TENM4: variants seen among roughly 807,000 people sequenced by gnomAD.
The protein encoded by TENM4 is teneurin transmembrane protein 4.
In TENM4, 82 loss-of-function variants were observed where a neutral mutation model predicts 243.3. That is an observed-to-expected ratio of 0.34 (90% CI 0.28 to 0.40). The LOEUF (loss-of-function observed/expected upper bound fraction) is 0.40, where lower values mean the gene tolerates loss of function less well. TENM4 is among the 10% of genes least tolerant of loss of function. TENM4 has a pLI of 1.00. For missense variants in TENM4, 3,138 were observed against 3,673.3 expected (o/e 0.85, Z 3.77); for synonymous variants, 1,412 against 1,456.3 (o/e 0.97, Z 0.69).
intron 14 of TENM4, among the ~76,000 whole-genome samples, chr11:78,808,406 A>G (rs889844286): frequency 2.0e-5 from 3 of 152,204 alleles, no homozygotes; most frequent in Admixed American, 1.3e-4. Context: ...TTTTGCTATT[A>G]AGCATTTCAT....
At chr11:78,880,495 A>C (rs1859407050) in intron 9 of TENM4, among the ~76,000 whole-genome samples, 1 of 149,868 alleles carries the variant, frequency 6.7e-6, no homozygotes, top group Admixed American at 6.6e-5. Flanking sequence ...AAAAAGAAAG[A>C]AAAAATGGCC....
intron 2 of TENM4, among the ~76,000 whole-genome samples, chr11:79,257,397 G>T (rs890294319): frequency 6.6e-6 from 1 of 152,144 alleles, no homozygotes; most frequent in African/African-American, 2.4e-5. Context: ...TCCAGTTTCA[G>T]GTAAAGACTG....
chr11:78,664,665 A>C (rs1490185738), intron 32 of TENM4, among the ~76,000 whole-genome samples: 1 of 152,178 alleles, frequency 6.6e-6, no homozygotes, highest in African/African-American at 2.4e-5. Flanking sequence ...CTTTTCTTCA[A>C]AGTCCCTCTT....
At chr11:78,851,845 G>A (rs1395040227) in intron 12 of TENM4, among the ~76,000 whole-genome samples, 78 of 152,224 alleles carry the variant, frequency 5.1e-4, no homozygotes. Flanking sequence ...ACTCTGAGCT[G>A]CAGCCTCAAA....
In TENM4 at chr11:79,163,798, C is replaced by CATAT. The variant is rs59230413; in HGVS notation, c.-162-14996_-162-14993dup. ...ACACATACATATATATATACACACA[C>CATAT]ATATATATACACATATATATACATG... On this transcript the variant is annotated intron_variant, in intron 3 of 33. Transcript: ENST00000278550. Among the ~76,000 whole-genome samples the CATAT allele has an allele frequency of 3.9e-3, 560 of 144,832 alleles. 2 individuals carry two copies. Among genetic ancestry groups the CATAT allele is most frequent in the African/African-American group, 9.6e-3 (380 of 39,414 alleles).
At chr11:79,207,487 G>A (rs1185290435) in intron 3 of TENM4, among the ~76,000 whole-genome samples, 1 of 152,100 alleles carries the variant, frequency 6.6e-6, no homozygotes, top group Non-Finnish European at 1.5e-5. Flanking sequence ...TTTAGGAGAT[G>A]GACACACTTT....
At chr11:79,141,980 A>G (rs1287603082) in intron 4 of TENM4, among the ~76,000 whole-genome samples, 1 of 152,110 alleles carries the variant, frequency 6.6e-6, no homozygotes, top group Non-Finnish European at 1.5e-5. Context: ...TATAGAAAGA[A>G]CATACCTCAA....
intron 16 of TENM4, among the ~76,000 whole-genome samples, chr11:78,778,863 G>A (rs994364178): frequency 1.3e-5 from 2 of 152,180 alleles, no homozygotes; most frequent in African/African-American, 4.8e-5. Context: ...TGTGATCCAG[G>A]CATTTGGAAA....
intron 4 of TENM4, among the ~76,000 whole-genome samples, chr11:79,139,720 A>AAATATATATTATATTTATATAAATATAT (rs1565220691): frequency 3.9e-4 from 18 of 46,726 alleles, no homozygotes; most frequent in African/African-American, 6.8e-4. Context: ...TAAGTATATA[A>AAATATATATTATATTTATATAAATATAT]AATATATATT....
rs147119039 is a variant in TENM4 at position 78,943,829 on chromosome 11, G to A, written c.494-40306C>T. 3.8e-4 allele frequency among the ~76,000 whole-genome samples: 58 copies of A among 152,232 alleles called. No individual in the cohort carries two copies. In the East Asian group the frequency reaches 8.9e-3, roughly 23 times the overall value. On this transcript the variant is annotated intron_variant, in intron 6 of 33. Transcript: ENST00000278550. ...CCATCTCCTATTCTGTACTTAAAAT[G>A]CTTCTATTTATTAAAGATTCTATTT...
intron 1 of TENM4, among the ~76,000 whole-genome samples, chr11:79,390,129 G>T (rs1198298948): frequency 3.9e-5 from 6 of 152,228 alleles, no homozygotes; most frequent in Non-Finnish European, 8.8e-5. Context: ...TGAAGGTGGG[G>T]TGGGAAATGC....
At chr11:79,256,071 G>C (rs111699107) in intron 2 of TENM4, among the ~76,000 whole-genome samples, 6,408 of 152,276 alleles carry the variant, frequency 0.042, 442 homozygotes, top group African/African-American at 0.14. Context: ...GGACAGAAAA[G>C]AGAGAGGCTG....
chr11:79,437,219 C>G (rs1296437919), intron 1 of TENM4, among the ~76,000 whole-genome samples: 1 of 152,180 alleles, frequency 6.6e-6, no homozygotes, highest in South Asian at 2.1e-4. Flanking sequence ...TGTGTGACTT[C>G]GCTGCAAATC....
chr11:78,676,060 G>A, intron 30 of TENM4, 92 bp downstream of exon 30: 1 of 1,224,240 alleles, frequency 8.2e-7, no homozygotes, highest in Non-Finnish European at 1.1e-6. Flanking sequence ...TGAGTGAACT[G>A]AGGTCCCAGG....
intron 25 of TENM4, among the ~76,000 whole-genome samples, chr11:78,719,095 C>T (rs1179454342): frequency 6.6e-6 from 1 of 152,074 alleles, no homozygotes; most frequent in African/African-American, 2.4e-5. Flanking sequence ...GGAGCTCCTC[C>T]CTGTGCCTAA....
chr11:78,824,503 C>CTTTTT (rs35834549), intron 12 of TENM4, among the ~76,000 whole-genome samples: 2 of 137,052 alleles, frequency 1.5e-5, no homozygotes, highest in Admixed American at 7.2e-5. Context: ...TTCTTTCTTT[C>CTTTTT]TTTTTTTTTT....
At position 79,149,685 on chromosome 11, in the gene TENM4, G is replaced by A. The variant is rs1407395020; in HGVS notation, c.-162-879C>T. Among the ~76,000 whole-genome samples the A allele has an allele frequency of 3.3e-5, 5 of 152,070 alleles. No homozygotes were observed. In the South Asian group the frequency reaches 6.2e-4, roughly 19 times the overall value. The stretch of plus-strand genomic sequence containing the variant: ...ACGGCCTAGGATACAGTCCACTTTC[G>A]TGAGTGTTTTATATGTGCTTAGAAA... On this transcript the variant is annotated intron_variant, in intron 3 of 33. Coordinates refer to ENST00000278550, the MANE Select transcript of TENM4 (RefSeq NM_001098816.3).
At chr11:79,228,541 G>A (rs776567583) in intron 2 of TENM4, among the ~76,000 whole-genome samples, 2 of 151,856 alleles carry the variant, frequency 1.3e-5, no homozygotes, top group Non-Finnish European at 2.9e-5. Context: ...CAGACCTCAC[G>A]TGCCCACCCA....
chr11:78,899,321 G>A lies in TENM4; in HGVS notation c.749+3947C>T, dbSNP rs150204693. Among the ~76,000 whole-genome samples, 693 of 152,112 alleles carry A rather than the reference G, an allele frequency of 4.6e-3. 8 individuals carry two copies. The highest frequency in any genetic ancestry group is 0.016 in the African/African-American group (670 of 41,476). On this transcript the variant is annotated intron_variant, in intron 7 of 33. Transcript: ENST00000278550. ...TAAAATTTAATACCCAGCTGGGCACGGTAACTCACACCTGTAGAACCAGCA... is the reference window on the plus strand; with the variant it reads ...TAAAATTTAATACCCAGCTGGGCACAGTAACTCACACCTGTAGAACCAGCA...
Sources: allele counts gnomAD v4.1 joint callset (sites outside exome capture counted in the v4.1 genomes callset), GRCh38; gene constraint gnomAD v4.1.1; transcripts MANE v1.5; gene names NCBI Gene and HGNC (gene_info 2026-07-23, HGNC 2026-07-21).